DOCK2: variants seen among roughly 807,000 people sequenced by gnomAD.
The protein encoded by DOCK2 is dedicator of cytokinesis 2.
DOCK2 carries 87 observed loss-of-function variants against 248.9 expected under a neutral mutation model. The ratio of observed to expected loss-of-function variants is 0.35; its 90% confidence interval spans 0.29 to 0.42. DOCK2 has a LOEUF of 0.42. Among genes scored for constraint, DOCK2 ranks in the 10% least tolerant of loss-of-function variants. DOCK2 has a pLI of 1.00. For synonymous variants in DOCK2, 805 were observed against 821.6 expected, an observed-to-expected ratio of 0.98 and a Z score of 0.35; for missense variants, 1,747 against 2,300.2, an observed-to-expected ratio of 0.76 and a Z score of 4.92.
intron 22 of DOCK2, among the ~76,000 whole-genome samples, chr5:169,740,741 GC>G (rs1460101726): frequency 6.6e-6 from 1 of 152,164 alleles, no homozygotes; most frequent in Non-Finnish European, 1.5e-5. Context: ...TTCTCATGAG[GC>G]TTTGCTCTTT....
chr5:169,657,625 G>T (rs1185822650), intron 2 of DOCK2, among the ~76,000 whole-genome samples: 2 of 152,174 alleles, frequency 1.3e-5, no homozygotes, highest in African/African-American at 4.8e-5. Context: ...ACTTCCTTCA[G>T]TCATATTTGG....
intron 25 of DOCK2, among the ~76,000 whole-genome samples, chr5:169,800,947 T>TCTTTTTTC (rs1344114156): frequency 3.0e-5 from 2 of 67,024 alleles, no homozygotes; most frequent in Non-Finnish European, 6.5e-5. Context: ...TTTCTTTCTT[T>TCTTTTTTC]TTTTTTTTTT....
intron 27 of DOCK2, among the ~76,000 whole-genome samples, chr5:169,916,312 A>G (rs1774872885): frequency 6.6e-6 from 1 of 152,256 alleles, no homozygotes; most frequent in Non-Finnish European, 1.5e-5. Flanking sequence ...GTGTCTGCAC[A>G]TGCATGGATC....
chr5:169,688,865 C>T lies in DOCK2; in HGVS notation c.762-387C>T, dbSNP rs77090752. On this transcript the variant is annotated intron_variant, in intron 8 of 51. Transcript: ENST00000520908. ...ACTCAGTCTTGAATGGGGAACGGGC[C>T]GGAAAGGGTAAATATATTCTTAATG... Among the ~76,000 whole-genome samples, 453 of 152,164 alleles carry T rather than the reference C, an allele frequency of 3.0e-3. 15 individuals are homozygous for T. The East Asian group carries it at 0.078, about 26-fold the overall frequency.
chr5:169,943,653 C>CAGAT (rs1776329413), intron 27 of DOCK2, among the ~76,000 whole-genome samples: 1 of 152,160 alleles, frequency 6.6e-6, no homozygotes, highest in African/African-American at 2.4e-5. Flanking sequence ...TTAGAGTTTG[C>CAGAT]AGATCTGGGG....
At chr5:169,996,786 C>T (rs937131564) in intron 30 of DOCK2, among the ~76,000 whole-genome samples, 2 of 152,164 alleles carry the variant, frequency 1.3e-5, no homozygotes, top group African/African-American at 4.8e-5. Flanking sequence ...GGGAAGTCTC[C>T]GATCCCTAGC....
chr5:169,794,933 AC>A (rs1766557044), intron 25 of DOCK2, among the ~76,000 whole-genome samples: 1 of 152,202 alleles, frequency 6.6e-6, no homozygotes, highest in Non-Finnish European at 1.5e-5. Flanking sequence ...AAACAAACAC[AC>A]AAAAAAGTTC....
intron 30 of DOCK2, 123 bp downstream of exon 30, chr5:169,996,287 C>T (rs1437418406): frequency 1.0e-6 from 1 of 969,520 alleles, no homozygotes; most frequent in Non-Finnish European, 1.5e-6. Context: ...TCCAGGGATT[C>T]CCACGGGGGG....
chr5:170,068,547 C>T (rs1323485045), intron 45 of DOCK2, among the ~76,000 whole-genome samples: 1 of 152,166 alleles, frequency 6.6e-6, no homozygotes, highest in African/African-American at 2.4e-5. Flanking sequence ...GATACCCATG[C>T]AGTCATCATT....
chr5:169,900,957 G>T (rs1159790384), intron 27 of DOCK2, among the ~76,000 whole-genome samples: 1 of 152,102 alleles, frequency 6.6e-6, no homozygotes, highest in African/African-American at 2.4e-5. Flanking sequence ...AACAGCCAAG[G>T]TCCTGTCTAT....
intron 28 of DOCK2, among the ~76,000 whole-genome samples, chr5:169,983,737 T>G (rs1777997613): frequency 6.6e-6 from 1 of 152,162 alleles, no homozygotes; most frequent in Non-Finnish European, 1.5e-5. Flanking sequence ...GCCTCCTTTC[T>G]CTCTGTCTTG....
chr5:169,781,183 TG>T (rs1027634912), intron 25 of DOCK2, among the ~76,000 whole-genome samples: 2 of 152,096 alleles, frequency 1.3e-5, no homozygotes, highest in African/African-American at 4.8e-5. Context: ...CTTTGGAATG[TG>T]GGAGGAAATT....
Position 170,042,061 on chromosome 5 carries a change from C to G in DOCK2, c.3805C>G (p.His1269Asp). Residue 1269 changes from histidine to aspartate, a missense_variant, in exon 38 of 52, where the codon CAC (histidine) becomes GAC (aspartate). This residue lies in a region of DOCK2 where 858 missense variants were observed against 1,183.5 expected (regional missense o/e 0.72). Coordinates refer to ENST00000520908, the MANE Select transcript of DOCK2 (RefSeq NM_004946.3). ...ACAGGTCATGCAGACAGGCCAGCAGCACCCCCAGACACACCGGCAGCTGAA... is the reference window on the plus strand; with the variant it reads ...ACAGGTCATGCAGACAGGCCAGCAGGACCCCCAGACACACCGGCAGCTGAA... ...ASQVMQTGQQ[H>D]PQTHRQLKET... The G allele has an allele frequency of 6.2e-7, 1 of 1,613,772 alleles. No homozygotes were observed. The highest frequency in any genetic ancestry group is 8.5e-7 in the Non-Finnish European group (1 of 1,179,842).
chr5:169,980,374 A>G (rs1372470589), intron 27 of DOCK2: 1 of 152,232 alleles, frequency 6.6e-6, no homozygotes, highest in Non-Finnish European at 1.5e-5. Context: ...AGAAGGAATA[A>G]TAAGTCCTTC....
intron 32 of DOCK2, among the ~76,000 whole-genome samples, chr5:170,011,595 C>T (rs1755298154): frequency 6.6e-6 from 1 of 152,152 alleles, no homozygotes; most frequent in African/African-American, 2.4e-5. Flanking sequence ...TACCTGAACC[C>T]AGGATTCAGT....
chr5:170,041,779 C>T (rs2270896), intron 37 of DOCK2, among the ~76,000 whole-genome samples: 5,508 of 152,308 alleles, frequency 0.036, 173 homozygotes, highest in South Asian at 0.18. Context: ...GGACTTGGGA[C>T]ATTAGTGCTG....
chr5:169,986,669 G>T (rs1162241840), intron 29 of DOCK2, among the ~76,000 whole-genome samples: 1 of 152,114 alleles, frequency 6.6e-6, no homozygotes, highest in East Asian at 1.9e-4. Flanking sequence ...ATTTCCCCAA[G>T]CCTCTCTCAG....
chr5:169,758,550 GT>G (rs1764315262), intron 23 of DOCK2, among the ~76,000 whole-genome samples: 1 of 152,212 alleles, frequency 6.6e-6, no homozygotes, highest in South Asian at 2.1e-4. Context: ...TTTGAGTAAG[GT>G]GACCATGTAG....
chr5:169,778,383 A>G lies in DOCK2; in HGVS notation c.2554+16758A>G, dbSNP rs1765502108. ...GAGTAGTAATATTTTTGTTCTTATA[A>G]ATATTGGTTGGGCTGCACTCGAGGA... is the stretch of plus-strand genomic sequence containing the variant. On this transcript the variant is annotated intron_variant, in intron 25 of 51. Coordinates refer to ENST00000520908, the MANE Select transcript of DOCK2 (RefSeq NM_004946.3). Among the ~76,000 whole-genome samples, 2 of 152,126 alleles carry G rather than the reference A, an allele frequency of 1.3e-5. 1 individual carries two copies. Among genetic ancestry groups the G allele is most frequent in the South Asian group, 4.1e-4 (2 of 4,828 alleles).
Sources: allele counts gnomAD v4.1 joint callset (sites outside exome capture counted in the v4.1 genomes callset), GRCh38; gene constraint gnomAD v4.1.1; regional missense constraint gnomAD v4.1.1; transcripts MANE v1.5; gene names NCBI Gene and HGNC (gene_info 2026-07-23, HGNC 2026-07-21).